Variants in BCAP29 observed in about 807,000 individuals in gnomAD.
The protein encoded by BCAP29 is B cell receptor associated protein 29, also known as B-cell receptor-associated protein 29.
A neutral mutation model predicts 31.8 loss-of-function variants in BCAP29; 34 were observed. The observed-to-expected ratio is 1.07, with a 90% CI of 0.81 to 1.42. The LOEUF is 1.42. Among genes scored for constraint, BCAP29 ranks in the 40% most tolerant of loss-of-function variants. The pLI, the probability that BCAP29 is intolerant of heterozygous loss-of-function variation, is 0.00. For synonymous variants in BCAP29, 104 were observed against 91.3 expected (o/e 1.14, Z -0.79); for missense variants, 314 against 269.2 (o/e 1.17, Z -1.16).
intron 6 of BCAP29, among the ~76,000 whole-genome samples, chr7:107,604,508 A>G (rs1458212522): frequency 6.6e-6 from 1 of 152,196 alleles, no homozygotes; most frequent in Non-Finnish European, 1.5e-5. Context: ...CCATATATTC[A>G]TCTAAAAATA....
intron 7 of BCAP29, among the ~76,000 whole-genome samples, chr7:107,617,985 G>C (rs1469352784): frequency 1.3e-5 from 2 of 152,152 alleles, no homozygotes; most frequent in Non-Finnish European, 2.9e-5. Flanking sequence ...AGCCACCCTA[G>C]CTGAGGTTTT....
intron 3 of BCAP29, among the ~76,000 whole-genome samples, chr7:107,586,470 A>G (rs998843051): frequency 6.6e-6 from 1 of 152,180 alleles, no homozygotes; most frequent in Non-Finnish European, 1.5e-5. Flanking sequence ...AGTTAAGGCA[A>G]CCAGATAGGT....
chr7:107,612,798 C>T (rs942818758), intron 6 of BCAP29, among the ~76,000 whole-genome samples: 1 of 151,886 alleles, frequency 6.6e-6, no homozygotes, highest in African/African-American at 2.4e-5. Context: ...TAAAAAGTGG[C>T]CTGTATTCTT....
intron 7 of BCAP29, among the ~76,000 whole-genome samples, chr7:107,614,093 C>G (rs952788093): frequency 2.0e-5 from 3 of 152,228 alleles, no homozygotes; most frequent in African/African-American, 7.2e-5. Context: ...AGAGACCATT[C>G]CAGAGACAGC....
downstream of BCAP29, chr7:107,621,953 A>T: frequency 1.9e-6 from 1 of 519,256 alleles, no homozygotes; most frequent in South Asian, 1.5e-5. Context: ...GCCTGAACTG[A>T]ATTTCAAGGG....
Position 107,613,400 on chromosome 7 carries a change from G to T in BCAP29, c.658G>T (p.Asp220Tyr). 1 of 1,612,362 alleles carries T rather than the reference G, an allele frequency of 6.2e-7. No homozygotes were observed. The highest frequency in any genetic ancestry group is 1.1e-5 in the South Asian group (1 of 90,958). The change falls in exon 7 of 8, where the codon GAT becomes TAT. Residue 220 changes from aspartate (D) to tyrosine (Y), a missense_variant. Coordinates refer to ENST00000005259, the MANE Select transcript of BCAP29 (RefSeq NM_018844.4). Reference sequence around the variant, plus strand: ...GTCAGAGAGACTTTCGAAAGAATATGATCAACTCCTGAAAGAACACTCTGA... The same window carrying T: ...GTCAGAGAGACTTTCGAAAGAATATTATCAACTCCTGAAAGAACACTCTGA... ...MQSERLSKEY[D>Y]QLLKEHSELQ...
chr7:107,615,376 G>A, intron 7 of BCAP29: 1 of 456,012 alleles, frequency 2.2e-6, no homozygotes, highest in South Asian at 1.5e-5. Context: ...GCTGAGGCGG[G>A]CGGATCATGG....
At position 107,618,668 on chromosome 7, in the gene BCAP29, T is replaced by A; in HGVS notation, c.*305T>A. 4 of 1,311,640 alleles carry A rather than the reference T, an allele frequency of 3.0e-6. No homozygotes were observed. The highest frequency in any genetic ancestry group is 4.1e-6 in the Non-Finnish European group (4 of 966,660). The allele number at this position is 1,311,640 out of a possible 1,614,324, so 81.3% of individuals were successfully genotyped here. Reference sequence around the variant, plus strand: ...AGGAAAAAATTCATTAACCGGTTGCTTCCAAAATTAGAAGTTTTAAGTTGC... The same window carrying A: ...AGGAAAAAATTCATTAACCGGTTGCATCCAAAATTAGAAGTTTTAAGTTGC... On this transcript the variant is annotated 3_prime_UTR_variant, in exon 8 of 8. Transcript: ENST00000005259.
intron 6 of BCAP29, among the ~76,000 whole-genome samples, chr7:107,612,429 A>ATG (rs1468350185): frequency 6.6e-5 from 2 of 30,116 alleles, no homozygotes; most frequent in Admixed American, 3.8e-4. Context: ...ATATATATAT[A>ATG]TATATATATA....
intron 5 of BCAP29, among the ~76,000 whole-genome samples, chr7:107,599,670 T>C (rs1447353465): frequency 6.6e-6 from 1 of 152,098 alleles, no homozygotes; most frequent in African/African-American, 2.4e-5. Flanking sequence ...AGCTTCTTAG[T>C]TCTGATGATA....
intron 6 of BCAP29, 147 bp from the exon 7 acceptor site, chr7:107,613,183 AAG>A (rs1157054391): frequency 5.1e-6 from 3 of 584,964 alleles, no homozygotes; most frequent in African/African-American, 1.9e-5. Flanking sequence ...AGTGTGTGTG[AAG>A]AGAGAGAATA....
chr7:107,601,224 C>T lies in BCAP29; in HGVS notation c.589+719C>T, dbSNP rs553209345. ...AAGAAAACTCAGTGTAAGTTTGTGG[C>T]TTGATGATTTGCAACATTTCTGCAT... On this transcript the variant is annotated intron_variant, in intron 6 of 7. Transcript: ENST00000005259. 5.3e-5 allele frequency among the ~76,000 whole-genome samples: 8 copies of T among 152,258 alleles called. 2 individuals carry two copies. The highest frequency in any genetic ancestry group is 1.9e-4 in the African/African-American group (8 of 41,550).
intron 6 of BCAP29, among the ~76,000 whole-genome samples, chr7:107,606,571 A>G (rs1320838687): frequency 6.6e-6 from 1 of 152,190 alleles, no homozygotes; most frequent in Non-Finnish European, 1.5e-5. Flanking sequence ...CAAGTGTGCT[A>G]TGTAAAATGG....
chr7:107,590,283 G>C (rs1044359161), intron 3 of BCAP29, among the ~76,000 whole-genome samples: 18 of 152,066 alleles, frequency 1.2e-4, no homozygotes, highest in Admixed American at 8.5e-4. Context: ...TAAAGATTTA[G>C]AAGGAAGATT....
chr7:107,622,499 A>G (rs572253292), downstream of BCAP29: 1 of 153,208 alleles, frequency 6.5e-6, no homozygotes, highest in East Asian at 1.9e-4. Context: ...CCCTGTCAGT[A>G]CGTTTGCATG....
intron 3 of BCAP29, among the ~76,000 whole-genome samples, chr7:107,593,006 A>G (rs988900632): frequency 1.3e-5 from 2 of 152,202 alleles, no homozygotes; most frequent in African/African-American, 2.4e-5. Flanking sequence ...AACTTTGTGA[A>G]TATACTAAAA....
At chr7:107,585,233 TG>T in intron 3 of BCAP29, among the ~76,000 whole-genome samples, 2 of 152,310 alleles carry the variant, frequency 1.3e-5, no homozygotes, top group South Asian at 4.1e-4. Flanking sequence ...GACACTGTTT[TG>T]TGAGAAAATG....
chr7:107,617,475 AAAAAAG>A (rs1270899113), intron 7 of BCAP29, among the ~76,000 whole-genome samples: 1 of 152,314 alleles, frequency 6.6e-6, no homozygotes, highest in Admixed American at 6.5e-5. Context: ...CTCTTCTAAA[AAAAAAG>A]AAAAACAGAA....
Position 107,618,619 on chromosome 7 carries a change from A to G in BCAP29, c.*256A>G, listed in dbSNP as rs1206284792. 3 of 1,521,886 alleles carry G rather than the reference A, an allele frequency of 2.0e-6. No individual in the cohort carries two copies. The highest frequency in any genetic ancestry group is 4.0e-5 in the Admixed American group (2 of 49,430). 94.3% of individuals were successfully genotyped at this position (1,521,886 alleles called of 1,614,324 possible). On this transcript the variant is annotated 3_prime_UTR_variant, in exon 8 of 8. Transcript: ENST00000005259. ...TTTACATATTGATAATGTCATTGGT[A>G]TATGGTGGCTGTTTACCAATAAAAG...
Sources: gnomAD v4.1 joint callset for allele counts (sites outside exome capture counted in the v4.1 genomes callset) on GRCh38, gnomAD v4.1.1 for gene constraint, MANE v1.5 for transcripts, NCBI Gene and HGNC (gene_info 2026-07-23, HGNC 2026-07-21) for gene names.